The following MND1 variants were observed in gnomAD, a reference collection of about 807,000 sequenced individuals.
MND1 encodes meiotic nuclear division protein 1 homolog.
MND1 carries 28 observed loss-of-function variants against 35.1 expected under a neutral mutation model. The ratio of observed to expected loss-of-function variants is 0.80; its 90% CI spans 0.59 to 1.09. The LOEUF (loss-of-function observed/expected upper bound fraction) is 1.09, where lower values mean the gene tolerates loss of function less well. Ranked by LOEUF, MND1 falls within the 50% of genes least tolerant of loss-of-function variation. MND1 has a pLI of 0.00. For synonymous variants in MND1, 69 were observed against 70.5 expected, an observed-to-expected ratio of 0.98 and a Z score of 0.11; for missense variants, 213 against 239.6, an observed-to-expected ratio of 0.89 and a Z score of 0.73.
intron 4 of MND1, among the ~76,000 whole-genome samples, chr4:153,379,678 C>T (rs28412137): frequency 0.19 from 28,087 of 151,498 alleles, 2,777 homozygotes; most frequent in African/African-American, 0.24. Context: ...GGTGAAACCC[C>T]GTCTCTACTA....
intron 7 of MND1, among the ~76,000 whole-genome samples, chr4:153,411,987 G>A (rs1423063011): frequency 6.6e-6 from 1 of 152,202 alleles, no homozygotes; most frequent in Non-Finnish European, 1.5e-5. Context: ...TAGCAAGAAT[G>A]TACTGGTTGG....
intron 4 of MND1, among the ~76,000 whole-genome samples, chr4:153,376,579 T>C (rs73854678): frequency 0.01 from 1,584 of 152,306 alleles, 26 homozygotes; most frequent in African/African-American, 0.034. Context: ...GTTGTAACTG[T>C]TATGTTTAAC....
chr4:153,371,260 T>C (rs531760638), intron 4 of MND1, among the ~76,000 whole-genome samples: 4 of 152,186 alleles, frequency 2.6e-5, no homozygotes, highest in African/African-American at 9.6e-5. Flanking sequence ...TCATTGAGCA[T>C]TGGCTTCAAC....
chr4:153,378,965 A>C (rs1728585499), intron 4 of MND1, among the ~76,000 whole-genome samples: 1 of 152,170 alleles, frequency 6.6e-6, no homozygotes, highest in African/African-American at 2.4e-5. Flanking sequence ...TGTATCTCTA[A>C]CATGACATTA....
chr4:153,380,109 A>T (rs925190107), intron 4 of MND1, among the ~76,000 whole-genome samples: 1 of 152,048 alleles, frequency 6.6e-6, no homozygotes, highest in African/African-American at 2.4e-5. Flanking sequence ...ATTACTGTGG[A>T]CATTTTTATA....
At chr4:153,409,538 A>G (rs1729622826) in intron 7 of MND1, among the ~76,000 whole-genome samples, 1 of 152,120 alleles carries the variant, frequency 6.6e-6, no homozygotes, top group South Asian at 2.1e-4. Flanking sequence ...AAGGCCACAC[A>G]TGTGTCAGAC....
chr4:153,394,635 T>C (rs984531206), intron 5 of MND1, among the ~76,000 whole-genome samples: 2 of 152,226 alleles, frequency 1.3e-5, no homozygotes, highest in Non-Finnish European at 2.9e-5. Flanking sequence ...AAATCTGTTA[T>C]ACTTCATTGC....
At chr4:153,364,626 TA>T (rs1459968658) in intron 4 of MND1, among the ~76,000 whole-genome samples, 1 of 152,048 alleles carries the variant, frequency 6.6e-6, no homozygotes, top group Non-Finnish European at 1.5e-5. Flanking sequence ...AGCTGAAAGG[TA>T]GAAGCAACCC....
At chr4:153,351,366 A>G (rs572297343) in intron 2 of MND1, among the ~76,000 whole-genome samples, 2 of 152,234 alleles carry the variant, frequency 1.3e-5, no homozygotes, top group Non-Finnish European at 1.5e-5. Context: ...GAGGTTTTCC[A>G]TAAAGCTGGG....
chr4:153,356,769 T>C (rs949156369), intron 3 of MND1, among the ~76,000 whole-genome samples: 6 of 151,892 alleles, frequency 4.0e-5, no homozygotes, highest in African/African-American at 1.2e-4. Context: ...TCTCATATAT[T>C]GGCCATGCAT....
At chr4:153,354,792 G>T (rs922076131) in intron 2 of MND1, among the ~76,000 whole-genome samples, 1 of 152,172 alleles carries the variant, frequency 6.6e-6, no homozygotes, top group African/African-American at 2.4e-5. Flanking sequence ...GAGACACCAT[G>T]ACTGGCCTAT....
At chr4:153,393,929 T>C (rs1165623014) in intron 4 of MND1, among the ~76,000 whole-genome samples, 1 of 132,528 alleles carries the variant, frequency 7.5e-6, no homozygotes, top group Non-Finnish European at 1.6e-5. Context: ...GTTTTCTTTT[T>C]TTTTTTTTTT....
chr4:153,385,897 G>A lies in MND1; in HGVS notation c.277-8365G>A, dbSNP rs61292775. 5.7e-3 allele frequency among the ~76,000 whole-genome samples: 860 copies of A among 152,134 alleles called. 6 individuals are homozygous for A. The highest frequency in any genetic ancestry group is 0.019 in the African/African-American group (802 of 41,504). On this transcript the variant is annotated intron_variant, in intron 4 of 7. Transcript: ENST00000240488. Reference sequence around the variant, plus strand: ...AGCAGTAATTTGGGCTGTTTGCCTCGTTGTAGCTATGTAGTTTAGAATCCA... The same window carrying A: ...AGCAGTAATTTGGGCTGTTTGCCTCATTGTAGCTATGTAGTTTAGAATCCA...
At chr4:153,358,407 G>A in intron 3 of MND1, 67 bp from the exon 4 acceptor site, 4 of 1,359,312 alleles carry the variant, frequency 2.9e-6, no homozygotes, top group Non-Finnish European at 3.9e-6. Context: ...TGTTTCCCCA[G>A]TTATTTGTCC....
intron 6 of MND1, among the ~76,000 whole-genome samples, chr4:153,406,801 A>C (rs1458756664): frequency 6.6e-6 from 1 of 152,228 alleles, no homozygotes; most frequent in Non-Finnish European, 1.5e-5. Flanking sequence ...CTGTTTTCAC[A>C]CTGCTAATAA....
chr4:153,376,310 C>T (rs1286325786), intron 4 of MND1, among the ~76,000 whole-genome samples: 6 of 152,088 alleles, frequency 3.9e-5, no homozygotes, highest in Non-Finnish European at 8.8e-5. Context: ...TGCACACACA[C>T]ACTTGAAAGA....
intron 2 of MND1, among the ~76,000 whole-genome samples, chr4:153,352,130 A>G (rs1189131971): frequency 6.6e-6 from 1 of 152,208 alleles, no homozygotes; most frequent in Non-Finnish European, 1.5e-5. Context: ...CCACCAATAA[A>G]TGTGTTGAGC....
At chr4:153,388,097 T>C (rs1266369644) in intron 4 of MND1, among the ~76,000 whole-genome samples, 2 of 152,238 alleles carry the variant, frequency 1.3e-5, no homozygotes, top group Non-Finnish European at 2.9e-5. Context: ...ATTAGCCCTT[T>C]AGAAAACATT....
intron 3 of MND1, among the ~76,000 whole-genome samples, chr4:153,358,066 T>C (rs939735048): frequency 1.3e-5 from 2 of 152,216 alleles, no homozygotes; most frequent in Non-Finnish European, 2.9e-5. Context: ...CAAAGGCTTC[T>C]CACAAGTAAC....
Sources: gnomAD v4.1 joint callset for allele counts (sites outside exome capture counted in the v4.1 genomes callset) on GRCh38, gnomAD v4.1.1 for gene constraint, MANE v1.5 for transcripts, NCBI Gene and HGNC (gene_info 2026-07-23, HGNC 2026-07-21) for gene names.